ARHGEF1: variants seen among roughly 807,000 people sequenced by gnomAD.
The protein encoded by ARHGEF1 is Rho guanine nucleotide exchange factor 1, also known as 115 kDa guanine nucleotide exchange factor.
ARHGEF1 carries 40 observed loss-of-function variants against 119.7 expected under a neutral mutation model. That is an observed-to-expected ratio of 0.33 (90% CI 0.26 to 0.44). The LOEUF is 0.44. ARHGEF1 is among the 20% of genes least tolerant of loss of function. ARHGEF1 has a pLI of 1.00. For missense variants in ARHGEF1, 976 were observed against 1,268.3 expected (o/e 0.77, Z 3.50); for synonymous variants, 494 against 521.0 (o/e 0.95, Z 0.71).
intron 7 of ARHGEF1, 173 bp from the exon 8 acceptor site, chr19:41,893,101 A>G (rs1270102986): frequency 1.9e-6 from 2 of 1,032,246 alleles, no homozygotes; most frequent in Non-Finnish European, 2.8e-6. Flanking sequence ...ATCCTCCTGG[A>G]TGAGAGACCT....
chr19:41,907,131 G>A lies in ARHGEF1; in HGVS notation c.*44G>A, dbSNP rs2074715350. 6.5e-7 allele frequency: 1 copy of A among 1,530,582 alleles called. No homozygotes were observed. Among genetic ancestry groups the A allele is most frequent in the Non-Finnish European group, 8.7e-7 (1 of 1,144,514 alleles). 94.8% of individuals were successfully genotyped at this position (1,530,582 alleles called of 1,614,324 possible). A position where few individuals can be genotyped will look rare whatever the true frequency, so the allele number is the denominator to read the frequency against. ...CCTTTTGCAAGAAGGAGAGGAATGG[G>A]GGAGAGGACGTGAGGGACCACCCCC... On this transcript the variant is annotated 3_prime_UTR_variant, in exon 29 of 29. Transcript: ENST00000354532.
Position 41,903,657 on chromosome 19 carries a change from T to C in ARHGEF1, c.1840-50T>C. 1.3e-6 allele frequency: 2 copies of C among 1,588,554 alleles called. No homozygotes were observed. The highest frequency in any genetic ancestry group is 8.6e-7 in the Non-Finnish European group (1 of 1,162,610). On this transcript the variant is annotated intron_variant, in intron 19 of 28. Coordinates refer to ENST00000354532, the MANE Select transcript of ARHGEF1 (RefSeq NM_004706.4). This position sits in a 1 kb window ranked among gnomAD's most constrained non-coding sequence, Gnocchi z 4.2. Reference sequence around the variant, plus strand: ...TCTTACCAATGTGGGTCACTGCAGGTCAGCCCCAGCACTTAGCTTGTCCCC... The same window carrying C: ...TCTTACCAATGTGGGTCACTGCAGGCCAGCCCCAGCACTTAGCTTGTCCCC...
chr19:41,903,885 C>A lies in ARHGEF1; in HGVS notation c.1917+101C>A. Reference sequence around the variant, plus strand: ...TGTCCTGCCCATCCCATAATACACCCAGGAAGCGAGAGCTCTGTCCCCCAC... The same window carrying A: ...TGTCCTGCCCATCCCATAATACACCAAGGAAGCGAGAGCTCTGTCCCCCAC... On this transcript the variant is annotated intron_variant, in intron 20 of 28. Coordinates refer to ENST00000354532, the MANE Select transcript of ARHGEF1 (RefSeq NM_004706.4). The surrounding 1 kb of genome is among the most constrained non-coding windows in gnomAD (Gnocchi z 4.2). 1.4e-6 allele frequency: 2 copies of A among 1,408,222 alleles called. No homozygotes were observed. Among genetic ancestry groups the A allele is most frequent in the East Asian group, 2.4e-5 (1 of 42,442 alleles). 87.2% of individuals were successfully genotyped at this position (1,408,222 alleles called of 1,614,324 possible).
rs2145852405 is a variant in ARHGEF1, at chr19:41,902,966, T to C, written c.1738+68T>C. On this transcript the variant is annotated intron_variant, in intron 18 of 28. Coordinates refer to ENST00000354532, the MANE Select transcript of ARHGEF1 (RefSeq NM_004706.4). This position sits in a 1 kb window ranked among gnomAD's most constrained non-coding sequence, Gnocchi z 6.5. ...TTTTTTACATTTTTTTTCTCACTCA[T>C]TTTCATCAGTGATACCATCACAGCT... 6.9e-6 allele frequency: 9 copies of C among 1,295,908 alleles called. No individual in the cohort carries two copies. Among genetic ancestry groups the C allele is most frequent in the Non-Finnish European group, 9.4e-6 (9 of 952,516 alleles). 80.3% of individuals were successfully genotyped at this position (1,295,908 alleles called of 1,614,324 possible).
Position 41,902,843 on chromosome 19 carries a change from G to A in ARHGEF1, c.1683G>A (p.Glu561=). 2 of 1,613,304 alleles carry A rather than the reference G, an allele frequency of 1.2e-6. No homozygotes were observed. The highest frequency in any genetic ancestry group is 2.2e-5 in the East Asian group (1 of 44,888). ...AGCTGAAGGACATGATCCCCACGGAGATGCAGCGGCTGACCAAGTACCCCC... is the reference window on the plus strand; with the variant it reads ...AGCTGAAGGACATGATCCCCACGGAAATGCAGCGGCTGACCAAGTACCCCC... ...RLQLKDMIPT[E]MQRLTKYPLL... is the part of the protein sequence containing the mutation. Residue 561 remains glutamate (E), a synonymous_variant, in exon 18 of 29, where the codon GAG becomes GAA. Coordinates refer to ENST00000354532, the MANE Select transcript of ARHGEF1 (RefSeq NM_004706.4). The surrounding 1 kb of genome is among the most constrained non-coding windows in gnomAD (Gnocchi z 6.5).
rs1042357510 is a variant in ARHGEF1, at chr19:41,916,909, A to C, written c.1866-6183A>C. On this transcript the variant is annotated intron_variant, in intron 18 of 20. Transcript: ENST00000599589. This position sits in a 1 kb window ranked among gnomAD's most constrained non-coding sequence, Gnocchi z 5.4. The stretch of plus-strand genomic sequence containing the variant: ...ACACTGGGTAGGGGTGGGCACTCAG[A>C]GATGACCCCAACCCAAGGCCCCTGC... 7.2e-5 allele frequency among the ~76,000 whole-genome samples: 11 copies of C among 152,222 alleles called. No individual in the cohort carries two copies. Among genetic ancestry groups the C allele is most frequent in the Admixed American group, 3.9e-4 (6 of 15,286 alleles).
intron 12 of ARHGEF1, among the ~76,000 whole-genome samples, 196 bp from the exon 13 acceptor site, chr19:41,896,181 A>G (rs1347749363): frequency 3.3e-5 from 5 of 152,106 alleles, no homozygotes; most frequent in African/African-American, 9.7e-5. Flanking sequence ...CTTCTGTTGC[A>G]TCTTCATGCT....
In ARHGEF1 at chr19:41,892,787, C is replaced by A. The variant is rs782536123; in HGVS notation, c.552C>A (p.Ala184=). Residue 184 remains alanine (A), a synonymous_variant, in exon 7 of 29, where the codon GCC becomes GCA. Transcript: ENST00000354532. The surrounding 1 kb of genome is among the most constrained non-coding windows in gnomAD (Gnocchi z 6.3). ...QLEAWVGRDR[A]SYEARERHVA... is the part of the protein sequence containing the mutation. ...AGGCTTGGGTTGGGCGGGACCGAGC[C>A]AGCTACGAGGCCCGGGAGCGGCACG... 1 of 1,600,060 alleles carries A rather than the reference C, an allele frequency of 6.2e-7. No individual in the cohort carries two copies.
At chr19:41,918,634 TCA>T (rs1225115288), upstream of ARHGEF1, among the ~76,000 whole-genome samples, 1 of 122,654 alleles carries the variant, frequency 8.2e-6, no homozygotes, top group Admixed American at 8.2e-5. Context: ...TCACTAACCC[TCA>T]CATACACCAC....
chr19:41,903,519 A>C lies in ARHGEF1; in HGVS notation c.1839+112A>C. 9.4e-7 allele frequency: 1 copy of C among 1,069,206 alleles called. No individual in the cohort carries two copies. The highest frequency in any genetic ancestry group is 1.3e-6 in the Non-Finnish European group (1 of 780,954). The allele number at this position is 1,069,206 out of a possible 1,614,324, so 66.2% of individuals were successfully genotyped here. A position where few individuals can be genotyped will look rare whatever the true frequency, so the allele number is the denominator to read the frequency against. On this transcript the variant is annotated intron_variant, in intron 19 of 28. Coordinates refer to ENST00000354532, the MANE Select transcript of ARHGEF1 (RefSeq NM_004706.4). This position sits in a 1 kb window ranked among gnomAD's most constrained non-coding sequence, Gnocchi z 4.2. The stretch of plus-strand genomic sequence containing the variant: ...CCCCACCCCTTGGCTTGTCTCCCTC[A>C]AGGGTCACTGTGTCCAGGGGTTGGC...
chr19:41,886,810 C>T (rs549213272), intron 1 of ARHGEF1, among the ~76,000 whole-genome samples: 6 of 152,286 alleles, frequency 3.9e-5, no homozygotes, highest in South Asian at 4.1e-4. Context: ...AGGAGAAGGG[C>T]GGGTCTCTGC....
At chr19:41,885,681 C>T (rs1309940538) in intron 1 of ARHGEF1, among the ~76,000 whole-genome samples, 1 of 151,924 alleles carries the variant, frequency 6.6e-6, no homozygotes, top group Non-Finnish European at 1.5e-5. Context: ...AGGATGGTGT[C>T]GATCTCTTGA....
Position 41,892,269 on chromosome 19 carries a change from C to A in ARHGEF1, c.325-62C>A. 1.9e-6 allele frequency: 3 copies of A among 1,607,202 alleles called. No homozygotes were observed. Among genetic ancestry groups the A allele is most frequent in the Non-Finnish European group, 2.6e-6 (3 of 1,175,776 alleles). On this transcript the variant is annotated intron_variant, in intron 5 of 28. Transcript: ENST00000354532. This position sits in a 1 kb window ranked among gnomAD's most constrained non-coding sequence, Gnocchi z 6.3. Reference sequence around the variant, plus strand: ...GCTTAGACCAGGGTTCCTGGCAGTCCTCCCGGCCTGCATCTCAGCACACCA... The same window carrying A: ...GCTTAGACCAGGGTTCCTGGCAGTCATCCCGGCCTGCATCTCAGCACACCA...
chr19:41,892,606 G>A lies in ARHGEF1; in HGVS notation c.371G>A (p.Arg124His), dbSNP rs868960086. The change falls in exon 7 of 29, where the codon CGC (arginine) becomes CAC (histidine). Residue 124 changes from arginine to histidine, a missense_variant. This residue lies in a region of ARHGEF1 where 519 missense variants were observed against 580.9 expected (regional missense o/e 0.89). Transcript: ENST00000354532. This position sits in a 1 kb window ranked among gnomAD's most constrained non-coding sequence, Gnocchi z 6.3. The stretch of plus-strand genomic sequence containing the variant: ...GCCCCCATGTGTGTCCCTGCAGACC[G>A]CACTAGGGCTGACCTCATCTCCGAG... ...VPPNVAFELD[R>H]TRADLISEDV... The A allele has an allele frequency of 5.0e-6, 8 of 1,594,298 alleles. No individual in the cohort carries two copies. Among genetic ancestry groups the A allele is most frequent in the African/African-American group, 1.3e-5 (1 of 74,720 alleles).
At chr19:41,923,718 G>GCCCCAAACAGCTT in intron 1 of ARHGEF1, among the ~76,000 whole-genome samples, 1 of 28,396 alleles carries the variant, frequency 3.5e-5, no homozygotes, top group East Asian at 5.7e-4. Context: ...GGCTGTGCTG[G>GCCCCAAACAGCTT]GGGGGTGTCT....
intron 18 of ARHGEF1, among the ~76,000 whole-genome samples, chr19:41,913,993 T>C (rs1043191581): frequency 1.3e-5 from 2 of 149,682 alleles, no homozygotes; most frequent in African/African-American, 4.9e-5. Flanking sequence ...GACACCCTGA[T>C]ACTCCCCACT....
chr19:41,918,696 CCGCCACA>C (rs1378657509), upstream of ARHGEF1, among the ~76,000 whole-genome samples: 4 of 147,942 alleles, frequency 2.7e-5, no homozygotes, highest in Non-Finnish European at 4.5e-5. Context: ...CACCACATAT[CCGCCACA>C]CACCACACAC....
In ARHGEF1 at chr19:41,917,873, C is replaced by T. The variant is rs1309013859; in HGVS notation, c.1866-5219C>T. 6.6e-6 allele frequency among the ~76,000 whole-genome samples: 1 copy of T among 152,026 alleles called. No individual in the cohort carries two copies. Among genetic ancestry groups the T allele is most frequent in the African/African-American group, 2.4e-5 (1 of 41,346 alleles). On this transcript the variant is annotated intron_variant, in intron 18 of 20. Coordinates refer to the ARHGEF1 transcript ENST00000599589. This position sits in a 1 kb window ranked among gnomAD's most constrained non-coding sequence, Gnocchi z 4.8. The stretch of plus-strand genomic sequence containing the variant: ...ATCTGTTGCCACACAAACGAGCCCC[C>T]AACACCCTGTCCCATCTGGGTGCAC...
In ARHGEF1 at chr19:41,888,448, C is replaced by T. The variant is rs782216159; in HGVS notation, c.111+170C>T. Among the ~76,000 whole-genome samples, 4 of 152,064 alleles carry T rather than the reference C, an allele frequency of 2.6e-5. No homozygotes were observed. The highest frequency in any genetic ancestry group is 5.9e-5 in the Non-Finnish European group (4 of 67,994). ...CGCCGACCCCACACAGCAGCATAGA[C>T]GCCCACCCTTCTTACTCTTAACCCC... On this transcript the variant is annotated intron_variant, in intron 3 of 28. Coordinates refer to ENST00000354532, the MANE Select transcript of ARHGEF1 (RefSeq NM_004706.4). This position sits in a 1 kb window ranked among gnomAD's most constrained non-coding sequence, Gnocchi z 5.1.
Sources: allele counts gnomAD v4.1 joint callset (sites outside exome capture counted in the v4.1 genomes callset), GRCh38; gene constraint gnomAD v4.1.1; regional missense constraint gnomAD v4.1.1; non-coding constraint Gnocchi (gnomAD v3.1); transcripts MANE v1.5; gene names NCBI Gene and HGNC (gene_info 2026-07-23, HGNC 2026-07-21).